SPATA9: variants seen among roughly 807,000 people sequenced by gnomAD.
SPATA9 encodes spermatogenesis associated 9.
Under a neutral mutation model 25.5 loss-of-function variants are expected in SPATA9, and 27 were observed. That is an observed-to-expected ratio of 1.06 (90% confidence interval 0.78 to 1.46). The LOEUF (loss-of-function observed/expected upper bound fraction) is 1.46. SPATA9 is among the 40% of genes most tolerant of loss of function. The pLI, the probability that SPATA9 is intolerant of heterozygous loss-of-function variation, is 0.00. For missense variants in SPATA9, 282 were observed against 297.5 expected, an observed-to-expected ratio of 0.95 and a Z score of 0.38; for synonymous variants, 102 against 105.7, an observed-to-expected ratio of 0.97 and a Z score of 0.21.
At chr5:95,731,086 G>C in the SPATA9 span, 1 of 1,098,120 alleles carries the variant, frequency 9.1e-7, no homozygotes, top group Non-Finnish European at 1.1e-6. Flanking sequence ...CAGGCGGATT[G>C]GCGGCTGGGA....
chr5:95,693,018 TAA>T (rs775555141), intron 1 of SPATA9, among the ~76,000 whole-genome samples: 1 of 152,242 alleles, frequency 6.6e-6, no homozygotes, highest in African/African-American at 2.4e-5. Context: ...AAAGAAATGT[TAA>T]AGTCTTCCAC....
At chr5:95,685,914 G>A (rs1753732786), upstream of SPATA9, among the ~76,000 whole-genome samples, 1 of 152,160 alleles carries the variant, frequency 6.6e-6, no homozygotes, top group Non-Finnish European at 1.5e-5. Context: ...TCGGCTCACT[G>A]CAACCTTTGC....
At chr5:95,660,967 T>G (rs370141527) in intron 4 of SPATA9, among the ~76,000 whole-genome samples, 1,662 of 76,366 alleles carry the variant, frequency 0.022, 21 homozygotes, top group African/African-American at 0.048. Flanking sequence ...ACACTCTGTC[T>G]TCTTAGTCAA....
chr5:95,692,348 A>G (rs1279797356), intron 1 of SPATA9, among the ~76,000 whole-genome samples: 1 of 152,136 alleles, frequency 6.6e-6, no homozygotes, highest in Non-Finnish European at 1.5e-5. Context: ...AGTATCACCA[A>G]GTTTCAAATT....
chr5:95,665,735 G>T (rs1751738358), intron 3 of SPATA9, among the ~76,000 whole-genome samples: 1 of 152,178 alleles, frequency 6.6e-6, no homozygotes, highest in South Asian at 2.1e-4. Context: ...AGCCCTTTGG[G>T]AGACCAAGGC....
chr5:95,712,521 G>C, the SPATA9 span, among the ~76,000 whole-genome samples: 2 of 152,184 alleles, frequency 1.3e-5, no homozygotes, highest in Admixed American at 1.3e-4. Context: ...AGGCCTCTAT[G>C]CTGTGAGGAA....
the SPATA9 span, chr5:95,730,864 CG>C: frequency 6.6e-6 from 3 of 455,528 alleles, no homozygotes; most frequent in South Asian, 4.6e-5. Flanking sequence ...ACAGCTGTAG[CG>C]CATGTTGACA....
intron 1 of SPATA9, among the ~76,000 whole-genome samples, chr5:95,693,367 C>T (rs1434071939): frequency 6.6e-6 from 1 of 152,094 alleles, no homozygotes; most frequent in African/African-American, 2.4e-5. Flanking sequence ...ATAATATATC[C>T]ATAATAGCTG....
the SPATA9 span, among the ~76,000 whole-genome samples, chr5:95,709,776 T>C: frequency 6.6e-6 from 1 of 152,218 alleles, no homozygotes; most frequent in Non-Finnish European, 1.5e-5. Flanking sequence ...TAAAGTCAAT[T>C]TCACACTTTT....
chr5:95,655,507 C>T (rs41276253), downstream of SPATA9: 2,902 of 152,730 alleles, frequency 0.019, 45 homozygotes, highest in Non-Finnish European at 0.031. Flanking sequence ...TACATTTAAA[C>T]AGAGAGACAT....
chr5:95,686,048 G>T (rs558215112), upstream of SPATA9, among the ~76,000 whole-genome samples: 1 of 152,164 alleles, frequency 6.6e-6, no homozygotes. Context: ...TGGCCAGGCT[G>T]TTCTTGAACT....
intron 2 of SPATA9, among the ~76,000 whole-genome samples, chr5:95,679,967 G>C (rs947381886): frequency 3.9e-5 from 6 of 152,172 alleles, no homozygotes. Context: ...GCGCGATCTC[G>C]GCTCACTGCA....
chr5:95,664,076 T>G (rs1751532385), intron 3 of SPATA9, 28 bp from the exon 4 acceptor site: 1 of 1,355,058 alleles, frequency 7.4e-7, no homozygotes, highest in South Asian at 1.4e-5. Context: ...ATTTTCTTAA[T>G]AAACAAACAT....
the SPATA9 span, chr5:95,717,463 T>C: frequency 6.6e-6 from 1 of 152,226 alleles, no homozygotes; most frequent in African/African-American, 2.4e-5. Flanking sequence ...CATGTATGTA[T>C]ATGTTTGTAT....
chr5:95,717,323 C>G, the SPATA9 span, among the ~76,000 whole-genome samples: 7 of 152,178 alleles, frequency 4.6e-5, no homozygotes, highest in Non-Finnish European at 8.8e-5. Context: ...TTATTTGAGT[C>G]TCCACAATTG....
chr5:95,721,888 A>T, the SPATA9 span, among the ~76,000 whole-genome samples: 5 of 152,220 alleles, frequency 3.3e-5, no homozygotes, highest in Non-Finnish European at 7.3e-5. Context: ...AGAACTGCCA[A>T]CCTAATATAT....
In SPATA9 at chr5:95,682,776, C is replaced by A. The variant is rs200445944; in HGVS notation, c.61+18G>T. On this transcript the variant is annotated intron_variant, in intron 1 of 4. Coordinates refer to ENST00000274432, the MANE Select transcript of SPATA9 (RefSeq NM_031952.4). ...TGTTCCCACACCCATACGCCCTTTACAACAAGATTGTGTATACTTCTTCCA... is the reference window on the plus strand; with the variant it reads ...TGTTCCCACACCCATACGCCCTTTAAAACAAGATTGTGTATACTTCTTCCA... The A allele has an allele frequency of 3.2e-6, 5 of 1,544,226 alleles. No individual in the cohort carries two copies. In the African/African-American group the frequency reaches 4.1e-5, roughly 13 times the overall value.
At chr5:95,714,393 A>G in the SPATA9 span, among the ~76,000 whole-genome samples, 1 of 152,220 alleles carries the variant, frequency 6.6e-6, no homozygotes, top group Admixed American at 6.5e-5. Context: ...ATCAACATGT[A>G]GGAGACTGAC....
At chr5:95,712,799 G>C in the SPATA9 span, among the ~76,000 whole-genome samples, 1 of 152,184 alleles carries the variant, frequency 6.6e-6, no homozygotes, top group African/African-American at 2.4e-5. Flanking sequence ...AAATGAAATG[G>C]CTGTTTTAAG....
Sources: allele counts gnomAD v4.1 joint callset (sites outside exome capture counted in the v4.1 genomes callset), GRCh38; gene constraint gnomAD v4.1.1; transcripts MANE v1.5; gene names NCBI Gene and HGNC (gene_info 2026-07-23, HGNC 2026-07-21).